Variants in COMMD7 observed in about 807,000 individuals in gnomAD.
COMMD7 encodes the protein COMM domain-containing protein 7.
In COMMD7, 28 loss-of-function variants were observed where a neutral mutation model predicts 34.8. That is an observed-to-expected ratio of 0.80 (90% CI 0.60 to 1.10). COMMD7 has a LOEUF of 1.10. Ranked by LOEUF, COMMD7 falls within the 50% of genes least tolerant of loss-of-function variation. The probability of loss-of-function intolerance (pLI) is 0.00; values close to 1 mark genes in which losing one functional copy is unlikely to be tolerated. For synonymous variants in COMMD7, 80 were observed against 86.4 expected, an observed-to-expected ratio of 0.93 and a Z score of 0.41; for missense variants, 211 against 241.6, an observed-to-expected ratio of 0.87 and a Z score of 0.84.
At chr20:32,713,576 C>T (rs1395540248) in intron 3 of COMMD7, among the ~76,000 whole-genome samples, 2 of 152,234 alleles carry the variant, frequency 1.3e-5, no homozygotes, top group East Asian at 3.8e-4. Context: ...TGGAGAGCTG[C>T]TTTCATCCAG....
At position 32,732,157 on chromosome 20, in the gene COMMD7, G is replaced by A. The variant is rs190690993; in HGVS notation, c.85-4015C>T. On this transcript the variant is annotated intron_variant, in intron 1 of 8. Coordinates refer to ENST00000278980, the MANE Select transcript of COMMD7 (RefSeq NM_053041.3). ...GAGTGCAGTGGCGCAATCACGGCTC[G>A]CTGGAGCCTCCAACCTCTTGGGTTC... 6.6e-5 allele frequency among the ~76,000 whole-genome samples: 10 copies of A among 152,208 alleles called. No homozygotes were observed. In the East Asian group the frequency reaches 1.5e-3, roughly 24 times the overall value.
intron 8 of COMMD7, 111 bp downstream of exon 8, chr20:32,703,912 G>A: frequency 6.3e-7 from 1 of 1,576,976 alleles, no homozygotes; most frequent in Non-Finnish European, 8.6e-7. Context: ...CTACTCCACA[G>A]CTGGCAATGA....
At chr20:32,731,103 G>C (rs1328167750) in intron 1 of COMMD7, among the ~76,000 whole-genome samples, 1 of 152,136 alleles carries the variant, frequency 6.6e-6, no homozygotes, top group Non-Finnish European at 1.5e-5. Context: ...AGGCCAAAGT[G>C]AGAGGATTGC....
At chr20:32,741,487 T>C (rs1465027373) in intron 1 of COMMD7, among the ~76,000 whole-genome samples, 1 of 151,430 alleles carries the variant, frequency 6.6e-6, no homozygotes, top group Non-Finnish European at 1.5e-5. Flanking sequence ...ACCTCTCAGG[T>C]TCAGGCGATT....
chr20:32,731,167 A>T (rs1272434866), intron 1 of COMMD7, among the ~76,000 whole-genome samples: 1 of 152,064 alleles, frequency 6.6e-6, no homozygotes, highest in African/African-American at 2.4e-5. Context: ...AAAATTTAAA[A>T]ATTAGCCAGG....
chr20:32,730,280 C>T (rs187788179), intron 1 of COMMD7, among the ~76,000 whole-genome samples: 62 of 152,092 alleles, frequency 4.1e-4, no homozygotes, highest in Admixed American at 3.5e-3. Context: ...ATGGGCTGGA[C>T]GCGGTGGCTC....
intron 1 of COMMD7, among the ~76,000 whole-genome samples, chr20:32,740,901 G>T (rs1986403305): frequency 6.6e-6 from 1 of 151,754 alleles, no homozygotes; most frequent in African/African-American, 2.4e-5. Context: ...CCAGCACTTT[G>T]GGAGGTTGAG....
intron 3 of COMMD7, among the ~76,000 whole-genome samples, chr20:32,709,233 G>A (rs1263743587): frequency 2.6e-5 from 4 of 151,722 alleles, no homozygotes; most frequent in Non-Finnish European, 4.4e-5. Context: ...TCAGTAGTTC[G>A]AGACCAGCCT....
chr20:32,743,236 G>GGGGCCCCCCCCCCC, intron 1 of COMMD7, 72 bp downstream of exon 1: 4 of 555,852 alleles, frequency 7.2e-6, no homozygotes, highest in Non-Finnish European at 3.1e-6. Flanking sequence ...ACCCCCGGAC[G>GGGGCCCCCCCCCCC]TCCCCCCCAC....
At chr20:32,707,832 A>G (rs1984196335) in intron 3 of COMMD7, among the ~76,000 whole-genome samples, 3 of 152,174 alleles carry the variant, frequency 2.0e-5, no homozygotes, top group Admixed American at 2.0e-4. Context: ...ACAATGCATT[A>G]TGTAGCCACT....
intron 1 of COMMD7, among the ~76,000 whole-genome samples, chr20:32,735,027 CAGG>C (rs914512964): frequency 6.6e-6 from 1 of 151,932 alleles, no homozygotes; most frequent in Non-Finnish European, 1.5e-5. Context: ...CACCTTTGGT[CAGG>C]AGTTCAAGAC....
intron 3 of COMMD7, among the ~76,000 whole-genome samples, chr20:32,714,179 G>A (rs927670941): frequency 6.6e-6 from 1 of 152,068 alleles, no homozygotes; most frequent in Non-Finnish European, 1.5e-5. Context: ...ATAGTAGGGT[G>A]GTGCATGAGG....
chr20:32,704,137 C>T, intron 7 of COMMD7, 66 bp from the exon 8 acceptor site: 1 of 1,334,200 alleles, frequency 7.5e-7, no homozygotes, highest in South Asian at 1.4e-5. Flanking sequence ...ATTCTTAAAA[C>T]CCTTTGACTT....
At chr20:32,704,674 T>C (rs1034146232) in intron 6 of COMMD7, 140 bp downstream of exon 6, 10 of 790,742 alleles carry the variant, frequency 1.3e-5, no homozygotes, top group Non-Finnish European at 2.1e-5. Context: ...CTACTGAATG[T>C]GGACAGAATA....
In COMMD7 at chr20:32,715,665, G is replaced by A. The variant is rs960122498; in HGVS notation, c.242-8905C>T. ...CTACCAAAAATACAAAAATCAGCCA[G>A]GAGTGGTGGCATCCACCTGTGGTCC... On this transcript the variant is annotated intron_variant, in intron 3 of 8. Coordinates refer to ENST00000278980, the MANE Select transcript of COMMD7 (RefSeq NM_053041.3). Among the ~76,000 whole-genome samples the A allele has an allele frequency of 4.6e-5, 7 of 151,828 alleles. No individual in the cohort carries two copies. The South Asian group carries it at 1.5e-3, about 31-fold the overall frequency.
intron 3 of COMMD7, among the ~76,000 whole-genome samples, chr20:32,712,000 G>A (rs1213271326): frequency 1.0e-5 from 1 of 97,570 alleles, no homozygotes; most frequent in African/African-American, 3.7e-5. Context: ...GGCTGGGCAC[G>A]ATGGCTCATG....
At chr20:32,712,665 C>T (rs1479814263) in intron 3 of COMMD7, among the ~76,000 whole-genome samples, 1 of 145,000 alleles carries the variant, frequency 6.9e-6, no homozygotes, top group Admixed American at 7.0e-5. Flanking sequence ...GTCAGCAGAA[C>T]ATGACACGTG....
In COMMD7 at chr20:32,706,764, G is replaced by A; in HGVS notation, c.242-4C>T. ...GTGAGACTCTTCTTCAAAGCACCTG[G>A]GAGGCAGGGGAGAAATCAGTTAGAA... On this transcript the variant is annotated splice_polypyrimidine_tract_variant and splice_region_variant and intron_variant, in intron 3 of 8. Transcript: ENST00000278980. 2 of 1,613,104 alleles carry A rather than the reference G, an allele frequency of 1.2e-6. No individual in the cohort carries two copies. Among genetic ancestry groups the A allele is most frequent in the Non-Finnish European group, 1.7e-6 (2 of 1,179,406 alleles).
At chr20:32,704,928 G>A (rs1568770508) in intron 5 of COMMD7, 24 bp from the exon 6 acceptor site, 3 of 1,555,504 alleles carry the variant, frequency 1.9e-6, no homozygotes, top group Non-Finnish European at 2.7e-6. Context: ...AAAAGACAAA[G>A]TCAATTACAA....
Sources: allele counts gnomAD v4.1 joint callset (sites outside exome capture counted in the v4.1 genomes callset), GRCh38; gene constraint gnomAD v4.1.1; transcripts MANE v1.5; gene names NCBI Gene and HGNC (gene_info 2026-07-23, HGNC 2026-07-21).